The following DLGAP1 variants were observed in gnomAD, a reference collection of about 807,000 sequenced individuals.
DLGAP1 encodes the protein disks large-associated protein 1.
In DLGAP1, 11 loss-of-function variants were observed where a neutral mutation model predicts 90.8. The observed-to-expected ratio is 0.12, with a 90% CI of 0.08 to 0.20. The LOEUF (loss-of-function observed/expected upper bound fraction) is 0.20. Among genes scored for constraint, DLGAP1 ranks in the 10% least tolerant of loss-of-function variants. DLGAP1 has a pLI of 1.00. For synonymous variants in DLGAP1, 558 were observed against 540.7 expected, an observed-to-expected ratio of 1.03 and a Z score of -0.44; for missense variants, 1,050 against 1,333.8, an observed-to-expected ratio of 0.79 and a Z score of 3.31.
At chr18:4,170,106 TCATC>T (rs1372389302) in intron 1 of DLGAP1, among the ~76,000 whole-genome samples, 2 of 152,092 alleles carry the variant, frequency 1.3e-5, no homozygotes, top group Non-Finnish European at 2.9e-5. Context: ...CCACCTTCCA[TCATC>T]AAGTGATGAT....
chr18:3,733,455 T>C (rs748851167), intron 6 of DLGAP1, among the ~76,000 whole-genome samples: 12 of 152,210 alleles, frequency 7.9e-5, no homozygotes, highest in Admixed American at 1.3e-4. Context: ...TGCTCAGCCA[T>C]GCAATTACAA....
intron 3 of DLGAP1, among the ~76,000 whole-genome samples, chr18:3,905,291 C>T (rs1488145784): frequency 7.7e-5 from 10 of 130,686 alleles, no homozygotes; most frequent in African/African-American, 1.7e-4. Flanking sequence ...GGCGTGAACC[C>T]GGGAGTTGGA....
At chr18:3,915,437 G>A (rs1206797994) in intron 3 of DLGAP1, among the ~76,000 whole-genome samples, 1 of 152,158 alleles carries the variant, frequency 6.6e-6, no homozygotes, top group African/African-American at 2.4e-5. Context: ...TGCAGCTCAT[G>A]GAAGGAGGGG....
rs560908392 is a variant in DLGAP1, at chr18:4,187,181, A to T, written c.-266-35894T>A. Among the ~76,000 whole-genome samples, 107 of 152,246 alleles carry T rather than the reference A, an allele frequency of 7.0e-4. No individual in the cohort carries two copies. In the South Asian group the frequency reaches 0.017, roughly 24 times the overall value. On this transcript the variant is annotated intron_variant, in intron 1 of 12. Transcript: ENST00000315677. ...AAAGTATGAAGTTTTCTACATATAG[A>T]ACCATTTCATCGGCAAACAGAGATA...
At chr18:3,848,891 G>C (rs2069176741) in intron 4 of DLGAP1, among the ~76,000 whole-genome samples, 1 of 152,182 alleles carries the variant, frequency 6.6e-6, no homozygotes, top group Non-Finnish European at 1.5e-5. Flanking sequence ...GGGCAAAGTA[G>C]ATATTAGCTT....
intron 2 of DLGAP1, among the ~76,000 whole-genome samples, chr18:4,110,918 C>T (rs1211838969): frequency 1.3e-5 from 2 of 152,194 alleles, no homozygotes; most frequent in Non-Finnish European, 2.9e-5. Flanking sequence ...GCACCATGCT[C>T]CCTGTCCCAG....
chr18:3,674,350 G>A (rs1055659655), intron 7 of DLGAP1, among the ~76,000 whole-genome samples: 1 of 148,832 alleles, frequency 6.7e-6, no homozygotes, highest in Non-Finnish European at 1.5e-5. Context: ...CAAGTGTGGT[G>A]GCTCATGCCT....
chr18:3,897,984 CG>C (rs879934561), intron 3 of DLGAP1, among the ~76,000 whole-genome samples: 1 of 151,562 alleles, frequency 6.6e-6, no homozygotes, highest in South Asian at 2.1e-4. Context: ...TTAGTAGAGA[CG>C]GGGTTTCACC....
chr18:4,423,934 A>G (rs1011362877), intron 1 of DLGAP1, among the ~76,000 whole-genome samples: 2 of 151,512 alleles, frequency 1.3e-5, no homozygotes, highest in African/African-American at 2.4e-5. Context: ...CGGGTAGATC[A>G]TGAGGTCAGG....
At chr18:3,763,139 CTTAA>C (rs1020575024) in intron 5 of DLGAP1, among the ~76,000 whole-genome samples, 2 of 152,188 alleles carry the variant, frequency 1.3e-5, no homozygotes, top group African/African-American at 4.8e-5. Context: ...CAGACCCACC[CTTAA>C]TTTGGGTGGA....
chr18:3,856,053 A>C (rs939067292), intron 4 of DLGAP1, among the ~76,000 whole-genome samples: 1 of 152,178 alleles, frequency 6.6e-6, no homozygotes, highest in African/African-American at 2.4e-5. Context: ...TTTTCTAGAG[A>C]TCACTGGTAA....
chr18:3,555,064 A>T (rs1030248545), intron 9 of DLGAP1, among the ~76,000 whole-genome samples: 4 of 152,164 alleles, frequency 2.6e-5, no homozygotes, highest in African/African-American at 9.7e-5. Context: ...AATACCCCTC[A>T]GCTGTCATTA....
At chr18:3,674,400 T>G (rs1165705934) in intron 7 of DLGAP1, among the ~76,000 whole-genome samples, 1 of 150,538 alleles carries the variant, frequency 6.6e-6, no homozygotes, top group East Asian at 2.0e-4. Flanking sequence ...GAGACAATCA[T>G]TTGAGGCCAG....
At chr18:3,937,965 G>C (rs992696845) in intron 3 of DLGAP1, among the ~76,000 whole-genome samples, 7 of 152,128 alleles carry the variant, frequency 4.6e-5, no homozygotes, top group Non-Finnish European at 8.8e-5. Flanking sequence ...CATACTTACA[G>C]GGCTGTCATT....
intron 1 of DLGAP1, among the ~76,000 whole-genome samples, chr18:4,165,052 G>C (rs895994963): frequency 2.6e-5 from 4 of 152,156 alleles, no homozygotes; most frequent in African/African-American, 9.7e-5. Flanking sequence ...AAAGAATGGA[G>C]AGAGGGTGGG....
At chr18:4,143,168 C>G (rs901240829) in intron 2 of DLGAP1, among the ~76,000 whole-genome samples, 6 of 151,994 alleles carry the variant, frequency 3.9e-5, no homozygotes, top group Non-Finnish European at 2.9e-5. Flanking sequence ...AATCAGGAGG[C>G]AGCAAAGCCA....
chr18:3,586,544 T>G (rs967308847), intron 7 of DLGAP1, among the ~76,000 whole-genome samples: 1 of 152,084 alleles, frequency 6.6e-6, no homozygotes, highest in Non-Finnish European at 1.5e-5. Flanking sequence ...ACGCTGGCCT[T>G]GAACTCCCAG....
intron 4 of DLGAP1, among the ~76,000 whole-genome samples, chr18:3,868,597 C>G (rs1376115348): frequency 6.6e-6 from 1 of 152,114 alleles, no homozygotes; most frequent in Non-Finnish European, 1.5e-5. Context: ...CCAAAAATGG[C>G]AAGCCTATTT....
intron 2 of DLGAP1, among the ~76,000 whole-genome samples, chr18:4,128,508 G>A (rs534494247): frequency 5.3e-5 from 8 of 152,236 alleles, no homozygotes; most frequent in Non-Finnish European, 1.0e-4. Context: ...TGACATTTAT[G>A]TGTCACTTTT....
Sources: allele counts gnomAD v4.1 joint callset (sites outside exome capture counted in the v4.1 genomes callset), GRCh38; gene constraint gnomAD v4.1.1; transcripts MANE v1.5; gene names NCBI Gene and HGNC (gene_info 2026-07-23, HGNC 2026-07-21).